Variants in NRG1 observed in about 807,000 individuals in gnomAD.
NRG1 encodes the protein neuregulin 1, also known as pro-neuregulin-1, membrane-bound isoform.
NRG1 carries 18 observed loss-of-function variants against 63.8 expected under a neutral mutation model. The ratio of observed to expected loss-of-function variants is 0.28; its 90% CI spans 0.19 to 0.42. The LOEUF (loss-of-function observed/expected upper bound fraction) is 0.42, where lower values mean the gene tolerates loss of function less well. Ranked by LOEUF, NRG1 falls within the 10% of genes least tolerant of loss-of-function variation. The pLI is 1.00. For synonymous variants in NRG1, 302 were observed against 301.3 expected, an observed-to-expected ratio of 1.00 and a Z score of -0.02; for missense variants, 762 against 814.7, an observed-to-expected ratio of 0.94 and a Z score of 0.79.
chr8:32,643,327 G>A (rs554455148), intron 5 of NRG1, among the ~76,000 whole-genome samples: 3 of 152,176 alleles, frequency 2.0e-5, no homozygotes, highest in African/African-American at 7.2e-5. Context: ...AGTTTGTTCT[G>A]CTTTCAGGCA....
At position 32,762,059 on chromosome 8, in the gene NRG1, A is replaced by AAAAAAAACAAAC. The variant is rs1162893361; in HGVS notation, c.1259+1654_1259+1655insAAAAAACAAACA. Among the ~76,000 whole-genome samples the AAAAAAAACAAAC allele has an allele frequency of 1.3e-4, 20 of 148,262 alleles. 1 individual carries two copies. Among genetic ancestry groups the AAAAAAAACAAAC allele is most frequent in the African/African-American group, 5.2e-4 (20 of 38,388 alleles). ...GCCTCAAAAAAAAAAAAAAAAAAAAAACATTCTGGACTTGCAAGCCTGTTG... is the reference window on the plus strand; with the variant it reads ...GCCTCAAAAAAAAAAAAAAAAAAAAAAAAAAAACAAACACATTCTGGACTTGCAAGCCTGTTG... On this transcript the variant is annotated intron_variant, in intron 11 of 11. Transcript: ENST00000356819.
chr8:31,871,399 C>G (rs193077221), intron 1 of NRG1, among the ~76,000 whole-genome samples: 80 of 152,252 alleles, frequency 5.3e-4, no homozygotes, highest in Non-Finnish European at 9.4e-4. Context: ...AGAAGAATCT[C>G]ACAAAATCCA....
At chr8:32,068,457 A>C (rs992861215) in intron 1 of NRG1, among the ~76,000 whole-genome samples, 1 of 152,186 alleles carries the variant, frequency 6.6e-6, no homozygotes, top group Non-Finnish European at 1.5e-5. Flanking sequence ...GGATCCAACA[A>C]AGACATGCAT....
At chr8:31,911,299 G>A (rs1032807953) in intron 1 of NRG1, among the ~76,000 whole-genome samples, 9 of 152,112 alleles carry the variant, frequency 5.9e-5, no homozygotes, top group African/African-American at 2.2e-4. Flanking sequence ...GTTTATTGCA[G>A]CACTATTCAG....
At chr8:32,116,633 C>T (rs539362981) in intron 1 of NRG1, among the ~76,000 whole-genome samples, 3 of 152,176 alleles carry the variant, frequency 2.0e-5, no homozygotes, top group Admixed American at 1.3e-4. Context: ...TTTTGTGTTT[C>T]CCTTCTAACA....
In NRG1 at chr8:31,658,155, C is replaced by T. The variant is rs117910950; in HGVS notation, c.37+18724C>T. On this transcript the variant is annotated intron_variant, in intron 1 of 10. Transcript: ENST00000519301. The stretch of plus-strand genomic sequence containing the variant: ...GAATTGACATTGTATCTCTACCCTA[C>T]GCTGACAAGTTGATTGTCTGAGCGA... Among the ~76,000 whole-genome samples the T allele has an allele frequency of 1.1e-3, 161 of 152,286 alleles. 1 individual carries two copies. The East Asian group carries it at 0.019, about 18-fold the overall frequency.
chr8:32,541,655 CT>C (rs1425319900), intron 1 of NRG1, among the ~76,000 whole-genome samples: 2 of 151,946 alleles, frequency 1.3e-5, no homozygotes, highest in Admixed American at 6.6e-5. Flanking sequence ...AAGAAAGTGC[CT>C]TTTGAAAGGA....
intron 1 of NRG1, among the ~76,000 whole-genome samples, chr8:31,782,715 C>T (rs1819806136): frequency 6.6e-6 from 1 of 152,178 alleles, no homozygotes; most frequent in South Asian, 2.1e-4. Context: ...TCCATGAACC[C>T]AACGCTGTGC....
At chr8:32,303,405 A>G (rs1006978839) in intron 1 of NRG1, among the ~76,000 whole-genome samples, 1 of 152,230 alleles carries the variant, frequency 6.6e-6, no homozygotes, top group East Asian at 1.9e-4. Context: ...AACACACACA[A>G]CTGCAGAAGG....
intron 1 of NRG1, among the ~76,000 whole-genome samples, chr8:32,088,035 C>G (rs1177434248): frequency 6.6e-6 from 1 of 152,124 alleles, no homozygotes; most frequent in Non-Finnish European, 1.5e-5. Context: ...GGTATTCTAG[C>G]CATCCTTCAA....
rs547328751 is a variant in NRG1 at position 32,504,928 on chromosome 8, G to T, written c.38-90900G>T. On this transcript the variant is annotated intron_variant, in intron 1 of 10. Coordinates refer to the NRG1 transcript ENST00000519301. ...GGTGACTTTTGGGCTGGAAATCAAAGTTATTAATATTTCCTTAGGTGTTTA... is the reference window on the plus strand; with the variant it reads ...GGTGACTTTTGGGCTGGAAATCAAATTTATTAATATTTCCTTAGGTGTTTA... Among the ~76,000 whole-genome samples the T allele has an allele frequency of 2.0e-5, 3 of 152,252 alleles. No homozygotes were observed. The South Asian group carries it at 6.2e-4, about 32-fold the overall frequency.
At chr8:31,931,929 C>G (rs776994508) in intron 1 of NRG1, among the ~76,000 whole-genome samples, 37 of 152,280 alleles carry the variant, frequency 2.4e-4, no homozygotes, top group Non-Finnish European at 3.7e-4. Context: ...TAAAACAAAG[C>G]TGGAAGACAG....
intron 1 of NRG1, among the ~76,000 whole-genome samples, chr8:31,865,434 A>G (rs1051362257): frequency 5.9e-5 from 9 of 152,128 alleles, no homozygotes; most frequent in Non-Finnish European, 1.3e-4. Flanking sequence ...AGAATCTACC[A>G]TATGATATGG....
chr8:32,741,838 C>T (rs550248551), intron 6 of NRG1, among the ~76,000 whole-genome samples, 170 bp from the exon 7 acceptor site: 8 of 152,268 alleles, frequency 5.3e-5, no homozygotes, highest in Admixed American at 3.9e-4. Context: ...CTGTAACCCA[C>T]AGTTTTCGTG....
At chr8:32,400,814 T>C (rs1438079985) in intron 1 of NRG1, among the ~76,000 whole-genome samples, 1 of 152,204 alleles carries the variant, frequency 6.6e-6, no homozygotes, top group African/African-American at 2.4e-5. Context: ...TACAAATTGT[T>C]CTATCATGAA....
At chr8:32,274,361 T>C (rs972683655) in intron 1 of NRG1, among the ~76,000 whole-genome samples, 1 of 152,156 alleles carries the variant, frequency 6.6e-6, no homozygotes, top group South Asian at 2.1e-4. Context: ...TTCATTAAAA[T>C]TGAGTTTAGG....
At chr8:32,326,868 A>T (rs937542841) in intron 1 of NRG1, among the ~76,000 whole-genome samples, 26 of 152,194 alleles carry the variant, frequency 1.7e-4, no homozygotes, top group Non-Finnish European at 3.4e-4. Context: ...ATTTAAAATT[A>T]AAAAAACCTA....
intron 1 of NRG1, among the ~76,000 whole-genome samples, chr8:32,025,871 G>A (rs1260366551): frequency 3.3e-5 from 5 of 150,206 alleles, no homozygotes; most frequent in African/African-American, 1.2e-4. Flanking sequence ...GCGTGAACCC[G>A]GGAGGCGGAG....
intron 1 of NRG1, among the ~76,000 whole-genome samples, chr8:32,049,649 T>C (rs1031080563): frequency 6.6e-6 from 1 of 152,128 alleles, no homozygotes; most frequent in African/African-American, 2.4e-5. Flanking sequence ...AAATACAATA[T>C]TGTTTTCTTT....
Sources: gnomAD v4.1 joint callset for allele counts (sites outside exome capture counted in the v4.1 genomes callset) on GRCh38, gnomAD v4.1.1 for gene constraint, MANE v1.5 for transcripts, NCBI Gene and HGNC (gene_info 2026-07-23, HGNC 2026-07-21) for gene names.